The following GCNT4 variants were observed in gnomAD, a reference collection of about 807,000 sequenced individuals.
GCNT4 encodes glucosaminyl (N-acetyl) transferase 4.
Under a neutral mutation model 31.3 loss-of-function variants are expected in GCNT4, and 17 were observed. The ratio of observed to expected loss-of-function variants is 0.54; its 90% confidence interval spans 0.37 to 0.81. GCNT4 has a LOEUF of 0.81. Among genes scored for constraint, GCNT4 ranks in the 40% least tolerant of loss-of-function variants. The pLI is 0.00. For missense variants in GCNT4, 503 were observed against 525.5 expected (o/e 0.96, Z 0.42); for synonymous variants, 158 against 190.6 (o/e 0.83, Z 1.41).
At chr5:75,034,253 C>T (rs764703112) in intron 3 of GCNT4, among the ~76,000 whole-genome samples, 11 of 152,232 alleles carry the variant, frequency 7.2e-5, no homozygotes, top group Non-Finnish European at 1.5e-4. Context: ...CTGAAAAGAA[C>T]ATCTGCATAA....
At chr5:75,030,173 T>G (rs1163894207) in intron 3 of GCNT4, 135 bp from the exon 4 acceptor site, 1 of 773,944 alleles carries the variant, frequency 1.3e-6, no homozygotes, top group African/African-American at 1.8e-5. Context: ...GTTTTTACCC[T>G]TGAAAGAATC....
chr5:75,036,105 A>G (rs547478129), intron 3 of GCNT4, among the ~76,000 whole-genome samples: 1 of 152,262 alleles, frequency 6.6e-6, no homozygotes, highest in South Asian at 2.1e-4. Context: ...CCCTCCATAC[A>G]TGTAGGATTT....
chr5:75,017,695 C>T, the GCNT4 span, among the ~76,000 whole-genome samples: 1 of 152,074 alleles, frequency 6.6e-6, no homozygotes, highest in African/African-American at 2.4e-5. Flanking sequence ...GAACAAAGAC[C>T]CTCCGGAGCC....
chr5:75,028,151 G>C lies in GCNT4; in HGVS notation c.*525C>G, dbSNP rs976880114. 1 of 152,966 alleles carries C rather than the reference G, an allele frequency of 6.5e-6. No individual in the cohort carries two copies. The highest frequency in any genetic ancestry group is 2.4e-5 in the African/African-American group (1 of 41,400). 9.5% of individuals were successfully genotyped at this position (152,966 alleles called of 1,614,324 possible). On this transcript the variant is annotated 3_prime_UTR_variant, in exon 4 of 4. Coordinates refer to ENST00000652361, the MANE Select transcript of GCNT4 (RefSeq NM_001366737.1). ...GGACTATTCTTTGAGATTTTTCTGAGGTAGTGAGTCTTTCCTCCTCTGCTC... is the reference window on the plus strand; with the variant it reads ...GGACTATTCTTTGAGATTTTTCTGACGTAGTGAGTCTTTCCTCCTCTGCTC...
chr5:75,028,510 G>T lies in GCNT4; in HGVS notation c.*166C>A. On this transcript the variant is annotated 3_prime_UTR_variant, in exon 4 of 4. Transcript: ENST00000652361. ...ATTAAAAAAACCTAGCCAACTGCAGGCTAATAACATCAAAGGCTAGATCAC... is the reference window on the plus strand; with the variant it reads ...ATTAAAAAAACCTAGCCAACTGCAGTCTAATAACATCAAAGGCTAGATCAC... 1 of 629,386 alleles carries T rather than the reference G, an allele frequency of 1.6e-6. No homozygotes were observed. The highest frequency in any genetic ancestry group is 2.9e-5 in the East Asian group (1 of 34,522). 39.0% of individuals were successfully genotyped at this position (629,386 alleles called of 1,614,324 possible).
intron 3 of GCNT4, 49 bp from the exon 4 acceptor site, chr5:75,030,087 A>C (rs776799519): frequency 2.5e-4 from 375 of 1,523,390 alleles, no homozygotes; most frequent in Admixed American, 7.3e-4. Flanking sequence ...ACAGAAAATC[A>C]GGTCAGTTTA....
chr5:75,021,142 C>T (rs951820842), downstream of GCNT4, among the ~76,000 whole-genome samples: 1 of 152,170 alleles, frequency 6.6e-6, no homozygotes, highest in African/African-American at 2.4e-5. Flanking sequence ...GATTGACTGC[C>T]TTGAACATCT....
At chr5:75,030,667 C>T (rs999897941) in intron 3 of GCNT4, 2 of 167,048 alleles carry the variant, frequency 1.2e-5, no homozygotes, top group African/African-American at 2.4e-5. Flanking sequence ...CATTTTCACA[C>T]AGGGATTAGC....
intron 3 of GCNT4, among the ~76,000 whole-genome samples, chr5:75,047,331 C>T (rs958624902): frequency 9.2e-5 from 14 of 152,148 alleles, no homozygotes; most frequent in African/African-American, 3.4e-4. Context: ...TTATTATCAC[C>T]AGGTGTTTTT....
chr5:75,018,292 A>AT, the GCNT4 span, among the ~76,000 whole-genome samples: 50 of 151,884 alleles, frequency 3.3e-4, no homozygotes, highest in Middle Eastern at 0.02. Context: ...TTATTGATTT[A>AT]TTTTTTTGAG....
intron 3 of GCNT4, among the ~76,000 whole-genome samples, chr5:75,041,082 A>C (rs1295159995): frequency 1.3e-5 from 2 of 152,274 alleles, no homozygotes; most frequent in African/African-American, 4.8e-5. Flanking sequence ...GTGTTGCAAA[A>C]GCTATAAGCT....
Position 75,043,148 on chromosome 5 carries a change from A to T in GCNT4, c.-2+4749T>A, listed in dbSNP as rs564570210. Among the ~76,000 whole-genome samples, 7 of 152,370 alleles carry T rather than the reference A, an allele frequency of 4.6e-5. 1 individual carries two copies. The South Asian group carries it at 1.4e-3, about 32-fold the overall frequency. ...TATTTCAGGTTAATAAAAAGTAAAA[A>T]GATTGTTTAGTTTACTAAGTGTCTA... On this transcript the variant is annotated intron_variant, in intron 3 of 3. Coordinates refer to ENST00000652361, the MANE Select transcript of GCNT4 (RefSeq NM_001366737.1).
chr5:75,044,921 A>G (rs1449451467), intron 3 of GCNT4, among the ~76,000 whole-genome samples: 1 of 152,216 alleles, frequency 6.6e-6, no homozygotes, highest in Non-Finnish European at 1.5e-5. Flanking sequence ...AAAGAGCTCT[A>G]AGTCTCTGCC....
intron 3 of GCNT4, among the ~76,000 whole-genome samples, chr5:75,035,500 C>A (rs1020636362): frequency 1.3e-5 from 2 of 152,184 alleles, no homozygotes; most frequent in Non-Finnish European, 2.9e-5. Flanking sequence ...AGTCCCTGGA[C>A]GAACTCTTAG....
intron 2 of GCNT4, among the ~76,000 whole-genome samples, chr5:75,049,377 GA>G (rs1644405181): frequency 6.6e-6 from 1 of 152,132 alleles, no homozygotes; most frequent in Non-Finnish European, 1.5e-5. Flanking sequence ...TTTATCAAAT[GA>G]TATCTGGCTC....
chr5:75,021,209 C>T (rs2149942835), downstream of GCNT4, among the ~76,000 whole-genome samples: 1 of 152,124 alleles, frequency 6.6e-6, no homozygotes, highest in East Asian at 1.9e-4. Flanking sequence ...AACATTAATT[C>T]GCTGATACAA....
In GCNT4 at chr5:75,026,639, G is replaced by T; in HGVS notation, c.*2037C>A. ...AACCACTTCATATACTATTTCAATC[G>T]ATTCTCACAAAAAAAAAAAAAAAAA... On this transcript the variant is annotated 3_prime_UTR_variant, in exon 4 of 4. Coordinates refer to ENST00000652361, the MANE Select transcript of GCNT4 (RefSeq NM_001366737.1). The T allele has an allele frequency of 9.4e-6, 1 of 106,152 alleles. No homozygotes were observed. 6.6% of individuals were successfully genotyped at this position (106,152 alleles called of 1,614,324 possible).
intron 3 of GCNT4, among the ~76,000 whole-genome samples, chr5:75,044,930 C>A (rs1287004913): frequency 2.0e-5 from 3 of 152,092 alleles, no homozygotes; most frequent in East Asian, 3.9e-4. Flanking sequence ...TAAGTCTCTG[C>A]CCCATATTAG....
At chr5:75,047,471 T>C (rs886298735) in intron 3 of GCNT4, among the ~76,000 whole-genome samples, 13 of 152,110 alleles carry the variant, frequency 8.5e-5, no homozygotes, top group Non-Finnish European at 1.6e-4. Context: ...ATGTTGAGGT[T>C]TGGTTTAAGG....
Sources: allele counts gnomAD v4.1 joint callset (sites outside exome capture counted in the v4.1 genomes callset), GRCh38; gene constraint gnomAD v4.1.1; transcripts MANE v1.5; gene names NCBI Gene and HGNC (gene_info 2026-07-23, HGNC 2026-07-21).